The following FAM13A variants were observed in gnomAD, a reference collection of about 807,000 sequenced individuals.
The protein encoded by FAM13A is protein FAM13A.
FAM13A carries 76 observed loss-of-function variants against 129.6 expected under a neutral mutation model. The observed-to-expected ratio is 0.59, with a 90% CI of 0.49 to 0.71. FAM13A has a LOEUF of 0.71. Ranked by LOEUF, FAM13A falls within the 30% of genes least tolerant of loss-of-function variation. The pLI, the probability that FAM13A is intolerant of heterozygous loss-of-function variation, is 0.00. For missense variants in FAM13A, 1,108 were observed against 1,249.3 expected, an observed-to-expected ratio of 0.89 and a Z score of 1.70; for synonymous variants, 443 against 449.9, an observed-to-expected ratio of 0.98 and a Z score of 0.20.
intron 4 of FAM13A, among the ~76,000 whole-genome samples, chr4:88,988,249 T>A (rs1762516212): frequency 6.6e-6 from 1 of 152,154 alleles, no homozygotes; most frequent in Non-Finnish European, 1.5e-5. Flanking sequence ...TGTGCACACA[T>A]GGAAGGACTG....
intron 7 of FAM13A, among the ~76,000 whole-genome samples, chr4:88,836,579 T>C (rs1423175983): frequency 2.0e-5 from 3 of 152,234 alleles, no homozygotes; most frequent in Non-Finnish European, 2.9e-5. Context: ...CTGTCTTCTA[T>C]TAATATTAAG....
intron 8 of FAM13A, among the ~76,000 whole-genome samples, chr4:88,792,619 C>T (rs895215319): frequency 6.6e-6 from 1 of 152,052 alleles, no homozygotes; most frequent in African/African-American, 2.4e-5. Flanking sequence ...CTTCTCAGTA[C>T]AGTTACACAA....
intron 5 of FAM13A, among the ~76,000 whole-genome samples, chr4:88,919,413 T>A (rs1750642921): frequency 6.6e-6 from 1 of 152,264 alleles, no homozygotes; most frequent in African/African-American, 2.4e-5. Context: ...TTACTATGAC[T>A]TTCTTGAAGG....
chr4:88,742,395 G>A (rs1740447249), intron 19 of FAM13A, among the ~76,000 whole-genome samples: 1 of 152,154 alleles, frequency 6.6e-6, no homozygotes, highest in Non-Finnish European at 1.5e-5. Flanking sequence ...AATCACCTGT[G>A]GGTGATCTGA....
chr4:88,861,380 C>CAAA (rs373411738), intron 6 of FAM13A, among the ~76,000 whole-genome samples: 1 of 83,896 alleles, frequency 1.2e-5, no homozygotes, highest in African/African-American at 3.9e-5. Flanking sequence ...GACTCCGTCT[C>CAAA]AAAAAAAAAA....
At chr4:88,828,482 G>A (rs774314725) in intron 7 of FAM13A, among the ~76,000 whole-genome samples, 3 of 152,050 alleles carry the variant, frequency 2.0e-5, no homozygotes, top group Non-Finnish European at 4.4e-5. Flanking sequence ...CCTTTGTATC[G>A]ATGATGATTT....
At chr4:88,843,863 T>C (rs1561142431) in intron 7 of FAM13A, among the ~76,000 whole-genome samples, 1 of 152,182 alleles carries the variant, frequency 6.6e-6, no homozygotes, top group Non-Finnish European at 1.5e-5. Context: ...AGCGATGATG[T>C]GGGGACAATG....
intron 21 of FAM13A, among the ~76,000 whole-genome samples, chr4:88,732,934 A>G (rs1738165770): frequency 6.6e-6 from 1 of 152,094 alleles, no homozygotes; most frequent in African/African-American, 2.4e-5. Context: ...CTTAGAGCCA[A>G]TTTAAGGCTA....
At chr4:88,838,712 G>A (rs1735270684) in intron 7 of FAM13A, among the ~76,000 whole-genome samples, 1 of 143,208 alleles carries the variant, frequency 7.0e-6, no homozygotes, top group Admixed American at 7.1e-5. Flanking sequence ...GGGCGACAGA[G>A]CAAGACTCCG....
intron 1 of FAM13A, among the ~76,000 whole-genome samples, chr4:89,046,162 CA>C (rs1477251793): frequency 1.3e-5 from 2 of 151,952 alleles, no homozygotes; most frequent in Non-Finnish European, 2.9e-5. Context: ...CTTCCTTGTC[CA>C]AACTACCAGA....
intron 6 of FAM13A, among the ~76,000 whole-genome samples, chr4:88,881,564 G>A (rs957451674): frequency 3.3e-5 from 5 of 152,092 alleles, no homozygotes; most frequent in African/African-American, 1.2e-4. Flanking sequence ...ATAACAACAC[G>A]AGGTTCTTTA....
At chr4:88,839,823 T>C (rs1419091952) in intron 7 of FAM13A, among the ~76,000 whole-genome samples, 3 of 152,216 alleles carry the variant, frequency 2.0e-5, no homozygotes, top group Admixed American at 1.3e-4. Flanking sequence ...CCCCCCAACG[T>C]TGTCCTGGGG....
chr4:88,990,997 G>A lies in FAM13A; in HGVS notation c.581C>T (p.Thr194Ile), dbSNP rs1227980720. Residue 194 changes from threonine (T) to isoleucine (I), a missense_variant, in exon 4 of 24, where the codon ACT becomes ATT. Physicochemically the swap from Thr to Ile is moderately conservative, Grantham distance 89 (BLOSUM62 -1). Around this residue, in one of 3 missense-constraint regions of FAM13A, gnomAD observed 566 missense variants for 595.7 expected, o/e 0.95. Transcript: ENST00000264344. ...CTGAAAGCAATTTGGCCCAAATACA[G>A]TGGCGAGATTGTGAACATTCATGCG... ...QNRMNVHNLA[T>I]VFGPNCFHVP... The A allele has an allele frequency of 1.2e-6, 2 of 1,613,942 alleles. No individual in the cohort carries two copies. The highest frequency in any genetic ancestry group is 8.5e-7 in the Non-Finnish European group (1 of 1,179,970).
chr4:88,867,289 C>T (rs962239618), intron 6 of FAM13A, among the ~76,000 whole-genome samples: 5 of 152,164 alleles, frequency 3.3e-5, no homozygotes, highest in African/African-American at 1.2e-4. Context: ...ACTTATCCTC[C>T]GGAAGTCACA....
At chr4:89,017,235 A>G (rs1766621324) in intron 3 of FAM13A, among the ~76,000 whole-genome samples, 1 of 152,214 alleles carries the variant, frequency 6.6e-6, no homozygotes, top group Non-Finnish European at 1.5e-5. Context: ...CAGAGATTTT[A>G]AGGGAATGGA....
intron 1 of FAM13A, among the ~76,000 whole-genome samples, chr4:89,042,591 T>C (rs557062649): frequency 2.0e-5 from 3 of 152,296 alleles, no homozygotes; most frequent in African/African-American, 7.2e-5. Flanking sequence ...AATCCATGAA[T>C]CATGAGACCC....
intron 5 of FAM13A, among the ~76,000 whole-genome samples, chr4:88,913,756 C>T (rs114644093): frequency 1.7e-3 from 252 of 152,166 alleles, no homozygotes; most frequent in Non-Finnish European, 3.2e-3. Flanking sequence ...GATATGAAAT[C>T]ATTCACCTTC....
intron 6 of FAM13A, among the ~76,000 whole-genome samples, chr4:88,896,739 T>C (rs1008380818): frequency 2.0e-5 from 3 of 152,230 alleles, no homozygotes; most frequent in African/African-American, 7.2e-5. Context: ...ATAGTTAATA[T>C]GACTCTGTTT....
chr4:89,055,760 T>C (rs1403335779), intron 1 of FAM13A, among the ~76,000 whole-genome samples: 1 of 152,166 alleles, frequency 6.6e-6, no homozygotes, highest in Admixed American at 6.5e-5. Context: ...AATAACCACA[T>C]GGATACCTGG....
Sources: gnomAD v4.1 joint callset for allele counts (sites outside exome capture counted in the v4.1 genomes callset) on GRCh38, gnomAD v4.1.1 for gene constraint, gnomAD v4.1.1 regional missense constraint, MANE v1.5 for transcripts, NCBI Gene and HGNC (gene_info 2026-07-23, HGNC 2026-07-21) for gene names.